Variants in NPAS3 observed in about 807,000 individuals in gnomAD.
The protein encoded by NPAS3 is neuronal PAS domain-containing protein 3.
In NPAS3, 14 loss-of-function variants were observed where a neutral mutation model predicts 73.1. The ratio of observed to expected loss-of-function variants is 0.19; its 90% CI spans 0.13 to 0.30. The LOEUF is 0.30. Ranked by LOEUF, NPAS3 falls within the 10% of genes least tolerant of loss-of-function variation. The pLI is 1.00. For synonymous variants in NPAS3, 620 were observed against 541.5 expected, an observed-to-expected ratio of 1.14 and a Z score of -2.01; for missense variants, 1,096 against 1,250.0, an observed-to-expected ratio of 0.88 and a Z score of 1.86.
intron 4 of NPAS3, among the ~76,000 whole-genome samples, chr14:33,377,393 C>T (rs1452086558): frequency 6.6e-6 from 1 of 152,200 alleles, no homozygotes; most frequent in Non-Finnish European, 1.5e-5. Context: ...AATCAGAAAT[C>T]CAGAAGAGCT....
intron 4 of NPAS3, among the ~76,000 whole-genome samples, chr14:33,398,930 G>A (rs2047335045): frequency 6.6e-6 from 1 of 151,928 alleles, no homozygotes; most frequent in East Asian, 1.9e-4. Flanking sequence ...AAAATTAATT[G>A]TGACAATAAA....
At chr14:33,470,627 T>C (rs2050738297) in intron 4 of NPAS3, among the ~76,000 whole-genome samples, 1 of 152,204 alleles carries the variant, frequency 6.6e-6, no homozygotes, top group African/African-American at 2.4e-5. Context: ...TAAACATATG[T>C]AAGGTGGTTC....
At chr14:32,963,436 C>G (rs2037014728) in intron 1 of NPAS3, among the ~76,000 whole-genome samples, 1 of 152,162 alleles carries the variant, frequency 6.6e-6, no homozygotes, top group South Asian at 2.1e-4. Flanking sequence ...CTGGGTTCTC[C>G]AGCTTTTTCA....
intron 2 of NPAS3, among the ~76,000 whole-genome samples, chr14:33,187,608 G>A (rs1307176780): frequency 2.6e-5 from 4 of 152,156 alleles, no homozygotes; most frequent in Non-Finnish European, 1.5e-5. Flanking sequence ...GAGACAGGTT[G>A]ATTGTTGAAG....
chr14:33,710,055 T>G (rs759627883), intron 6 of NPAS3, among the ~76,000 whole-genome samples: 22 of 152,154 alleles, frequency 1.4e-4, no homozygotes, highest in Non-Finnish European at 2.5e-4. Flanking sequence ...CTGTGGAGAT[T>G]GTGATTTCTA....
At chr14:32,939,244 C>A (rs2035856807), upstream of NPAS3, 2 of 614,190 alleles carry the variant, frequency 3.3e-6, no homozygotes, top group East Asian at 4.7e-5. Flanking sequence ...CGCACACCCC[C>A]GCCCGCCCAC....
intron 5 of NPAS3, among the ~76,000 whole-genome samples, chr14:33,667,065 A>G (rs564467581): frequency 3.3e-5 from 5 of 152,380 alleles, no homozygotes; most frequent in Non-Finnish European, 7.3e-5. Context: ...ATTTTTATTC[A>G]ATTTCACATA....
intron 7 of NPAS3, among the ~76,000 whole-genome samples, chr14:33,753,606 T>C (rs1312425683): frequency 6.6e-6 from 1 of 152,164 alleles, no homozygotes; most frequent in African/African-American, 2.4e-5. Flanking sequence ...GTAGGGTTCA[T>C]TTAGTCACAG....
intron 1 of NPAS3, 106 bp from the exon 2 acceptor site, chr14:33,055,799 G>GGTGGC: frequency 1.5e-6 from 1 of 662,246 alleles, no homozygotes; most frequent in South Asian, 1.8e-5. Context: ...GAGCTCAAAA[G>GGTGGC]CGTAAAAAGC....
At chr14:33,573,928 C>T (rs142331801) in intron 5 of NPAS3, among the ~76,000 whole-genome samples, 4 of 152,236 alleles carry the variant, frequency 2.6e-5, no homozygotes, top group African/African-American at 7.2e-5. Flanking sequence ...AGCCTTTTTC[C>T]GGTAAGATCA....
At chr14:33,646,931 A>G (rs879797923) in intron 5 of NPAS3, among the ~76,000 whole-genome samples, 29 of 152,158 alleles carry the variant, frequency 1.9e-4, no homozygotes, top group Non-Finnish European at 3.8e-4. Context: ...AGCAAAGATT[A>G]TTGTTCATGT....
intron 2 of NPAS3, among the ~76,000 whole-genome samples, chr14:33,127,312 A>C (rs1016557125): frequency 6.6e-6 from 1 of 152,036 alleles, no homozygotes; most frequent in African/African-American, 2.4e-5. Flanking sequence ...TATGCTATGA[A>C]GTGTTTGGTT....
At chr14:33,658,869 C>T (rs987776030) in intron 5 of NPAS3, among the ~76,000 whole-genome samples, 1 of 152,050 alleles carries the variant, frequency 6.6e-6, no homozygotes, top group Admixed American at 6.6e-5. Flanking sequence ...AATGGCTATG[C>T]CGTACGTTTG....
At chr14:33,115,157 T>C (rs2043019671) in intron 2 of NPAS3, among the ~76,000 whole-genome samples, 2 of 152,094 alleles carry the variant, frequency 1.3e-5, no homozygotes, top group African/African-American at 4.8e-5. Flanking sequence ...AAGGTTAATA[T>C]CGGAAAGGGA....
chr14:33,355,238 T>TTC (rs1566826033), intron 3 of NPAS3, among the ~76,000 whole-genome samples: 1 of 152,234 alleles, frequency 6.6e-6, no homozygotes, highest in African/African-American at 2.4e-5. Context: ...ATGCTCTCTT[T>TTC]TCTCTTACAT....
chr14:33,584,292 A>G (rs1474547732), intron 5 of NPAS3, among the ~76,000 whole-genome samples: 2 of 152,146 alleles, frequency 1.3e-5, no homozygotes, highest in African/African-American at 4.8e-5. Flanking sequence ...CATTTTATGC[A>G]TTTGAAGACA....
intron 5 of NPAS3, among the ~76,000 whole-genome samples, chr14:33,644,133 A>G (rs1036370907): frequency 1.3e-5 from 2 of 152,194 alleles, no homozygotes; most frequent in African/African-American, 4.8e-5. Flanking sequence ...TACCAATTCT[A>G]TTAAAAATTA....
At chr14:33,392,643 T>A (rs765123117) in intron 4 of NPAS3, among the ~76,000 whole-genome samples, 10 of 152,164 alleles carry the variant, frequency 6.6e-5, no homozygotes, top group Non-Finnish European at 1.3e-4. Flanking sequence ...TATTTCCATA[T>A]TTCCAAAAGA....
At chr14:33,739,423 C>T (rs1223174356) in intron 7 of NPAS3, among the ~76,000 whole-genome samples, 1 of 152,146 alleles carries the variant, frequency 6.6e-6, no homozygotes, top group African/African-American at 2.4e-5. Flanking sequence ...TAGGATCGCT[C>T]ATATACTCTA....
Sources: allele counts gnomAD v4.1 joint callset (sites outside exome capture counted in the v4.1 genomes callset), GRCh38; gene constraint gnomAD v4.1.1; transcripts MANE v1.5; gene names NCBI Gene and HGNC (gene_info 2026-07-23, HGNC 2026-07-21).